Variants in THNSL2 observed in about 807,000 individuals in gnomAD.
THNSL2 encodes the protein threonine synthase-like 2.
Under a neutral mutation model 40.0 loss-of-function variants are expected in THNSL2, and 34 were observed. That is an observed-to-expected ratio of 0.85 (90% CI 0.65 to 1.13). The LOEUF (loss-of-function observed/expected upper bound fraction) is 1.13, where lower values mean the gene tolerates loss of function less well. THNSL2 is among the 50% of genes most tolerant of loss of function. The pLI is 0.00. For missense variants in THNSL2, 537 were observed against 608.8 expected (o/e 0.88, Z 1.24); for synonymous variants, 241 against 247.5 (o/e 0.97, Z 0.25).
At position 88,178,841 on chromosome 2, in the gene THNSL2, T is replaced by G. The variant is rs1396786652; in HGVS notation, c.630T>G (p.Ala210=). 3 of 1,614,050 alleles carry G rather than the reference T, an allele frequency of 1.9e-6. No homozygotes were observed. Among genetic ancestry groups the G allele is most frequent in the African/African-American group, 1.3e-5 (1 of 74,900 alleles). ...TCAAGACTGTGTTTGCCGATGTGGC[T>G]TTTGTCAAGAAGCACAATCTGATGA... is the stretch of plus-strand genomic sequence containing the variant. ...EPIKTVFADV[A]FVKKHNLMSL... Residue 210 remains alanine, a synonymous_variant, in exon 5 of 9, where the codon GCT becomes GCG. Coordinates refer to ENST00000674334, the MANE Select transcript of THNSL2 (RefSeq NM_018271.5).
chr2:88,184,071 T>C (rs1377730342), intron 7 of THNSL2, among the ~76,000 whole-genome samples: 1 of 152,240 alleles, frequency 6.6e-6, no homozygotes, highest in Non-Finnish European at 1.5e-5. Flanking sequence ...GCAAGGTCAA[T>C]ATCCACCTTA....
chr2:88,179,393 C>T lies in THNSL2; in HGVS notation c.802+380C>T, dbSNP rs528594033. Among the ~76,000 whole-genome samples, 17 of 152,372 alleles carry T rather than the reference C, an allele frequency of 1.1e-4. 1 individual carries two copies. The East Asian group carries it at 2.7e-3, about 24-fold the overall frequency. On this transcript the variant is annotated intron_variant, in intron 5 of 8. Transcript: ENST00000674334. ...GCCAGCTACCCAATGTGAGGGCAAG[C>T]GGCTTGACTGGCACATTTGTTCCCA...
chr2:88,175,911 A>G (rs1426783282), intron 4 of THNSL2: 1 of 153,472 alleles, frequency 6.5e-6, no homozygotes, highest in African/African-American at 2.4e-5. Context: ...CAGCCTGGGC[A>G]ACATGGCGAA....
intron 1 of THNSL2, chr2:88,171,961 C>T (rs1158476898): frequency 6.6e-6 from 1 of 152,236 alleles, no homozygotes; most frequent in Admixed American, 6.5e-5. Context: ...GCACGGGGGC[C>T]CACAGATGTC....
intron 5 of THNSL2, among the ~76,000 whole-genome samples, chr2:88,181,133 T>TCTCTCTCTC (rs1677524710): frequency 2.1e-3 from 1 of 470 alleles, no homozygotes; most frequent in Non-Finnish European, 6.4e-3. Context: ...CTCTCTCTCC[T>TCTCTCTCTC]CTCTCTCTCC....
chr2:88,174,959 A>G, intron 3 of THNSL2, 126 bp downstream of exon 3: 2 of 1,190,770 alleles, frequency 1.7e-6, no homozygotes, highest in Non-Finnish European at 2.4e-6. Flanking sequence ...AAGGTTCCTA[A>G]CATTTTCTGG....
In THNSL2 at chr2:88,170,414, T is replaced by TCGCGCCCCGCGCCC; in HGVS notation, c.-30_-17dup. 2,506 of 149,198 alleles carry TCGCGCCCCGCGCCC rather than the reference T, an allele frequency of 0.017. 41 individuals are homozygous for TCGCGCCCCGCGCCC. The highest frequency in any genetic ancestry group is 0.039 in the African/African-American group (1,569 of 40,102). The allele number at this position is 149,198 out of a possible 1,614,324, so 9.2% of individuals were successfully genotyped here. A position where few individuals can be genotyped will look rare whatever the true frequency, so the allele number is the denominator to read the frequency against. ...GGGCAGCCCTGCTGCGCACCGGGCC[T>TCGCGCCCCGCGCCC]CGCGCCCCGCGCCCCGCGCCCCGCG... On this transcript the variant is annotated 5_prime_UTR_variant, in exon 1 of 9. Coordinates refer to ENST00000674334, the MANE Select transcript of THNSL2 (RefSeq NM_018271.5).
At chr2:88,172,557 T>G (rs1676477986) in intron 1 of THNSL2, 1 of 152,152 alleles carries the variant, frequency 6.6e-6, no homozygotes, top group African/African-American at 2.4e-5. Flanking sequence ...CACGTTAGAC[T>G]CTCTTGAGGA....
At chr2:88,185,814 T>G in intron 8 of THNSL2, 84 bp from the exon 9 acceptor site, 10 of 1,540,448 alleles carry the variant, frequency 6.5e-6, no homozygotes, top group Non-Finnish European at 8.8e-6. Context: ...CTTCCTCTGT[T>G]TCTTATTCCT....
At chr2:88,171,158 A>G (rs1676328556) in intron 1 of THNSL2, 1 of 394,250 alleles carries the variant, frequency 2.5e-6, no homozygotes, top group South Asian at 1.8e-5. Context: ...CCTCAACTTC[A>G]CCACCTCCTG....
intron 4 of THNSL2, chr2:88,176,684 C>T (rs886783414): frequency 6.6e-6 from 1 of 152,246 alleles, no homozygotes; most frequent in African/African-American, 2.4e-5. Flanking sequence ...AGCATAAATA[C>T]CCTCTGTCAG....
chr2:88,174,878 T>G lies in THNSL2; in HGVS notation c.418+45T>G, dbSNP rs547164075. The stretch of plus-strand genomic sequence containing the variant: ...ACGCAGAATACCTGAGTGCTGTGAC[T>G]GTAGGGTGTCCACCTATAGGATGCT... On this transcript the variant is annotated intron_variant, in intron 3 of 8. Coordinates refer to ENST00000674334, the MANE Select transcript of THNSL2 (RefSeq NM_018271.5). 25 of 1,596,374 alleles carry G rather than the reference T, an allele frequency of 1.6e-5. No individual in the cohort carries two copies. The South Asian group carries it at 2.8e-4, about 18-fold the overall frequency.
At chr2:88,176,104 G>C (rs1676910056) in intron 4 of THNSL2, 1 of 152,116 alleles carries the variant, frequency 6.6e-6, no homozygotes, top group Admixed American at 6.5e-5. Flanking sequence ...CAAAAAAAAA[G>C]GAATGTGTCA....
At chr2:88,183,099 A>G (rs763229092) in intron 7 of THNSL2, 26 bp downstream of exon 7, 1 of 1,606,734 alleles carries the variant, frequency 6.2e-7, no homozygotes, top group Admixed American at 1.7e-5. Context: ...CACACCACAG[A>G]GAAAGGAAAG....
intron 5 of THNSL2, among the ~76,000 whole-genome samples, chr2:88,182,218 G>T (rs1453126163): frequency 6.6e-6 from 1 of 152,148 alleles, no homozygotes; most frequent in African/African-American, 2.4e-5. Flanking sequence ...GCACCATTTT[G>T]TCACCACCAG....
chr2:88,172,852 T>C (rs1458056056), intron 1 of THNSL2: 2 of 255,766 alleles, frequency 7.8e-6, no homozygotes, highest in Non-Finnish European at 1.5e-5. Flanking sequence ...TTCTTTCTCA[T>C]TGGTGAGGAC....
intron 5 of THNSL2, 70 bp from the exon 6 acceptor site, chr2:88,182,629 G>A (rs1677804779): frequency 1.4e-6 from 2 of 1,430,548 alleles, no homozygotes; most frequent in Admixed American, 2.5e-5. Flanking sequence ...TTTTGATGAA[G>A]CCCAATTTAC....
intron 4 of THNSL2, among the ~76,000 whole-genome samples, chr2:88,178,265 G>C (rs143496286): frequency 6.6e-6 from 1 of 152,308 alleles, no homozygotes; most frequent in Non-Finnish European, 1.5e-5. Context: ...TAGGAGCAGA[G>C]AGCAGAACAC....
intron 4 of THNSL2, 78 bp from the exon 5 acceptor site, chr2:88,178,705 C>A: frequency 6.7e-7 from 1 of 1,502,904 alleles, no homozygotes. Flanking sequence ...CCTGGGAGGG[C>A]CCTGTCGCAG....
Sources: allele counts gnomAD v4.1 joint callset (sites outside exome capture counted in the v4.1 genomes callset), GRCh38; gene constraint gnomAD v4.1.1; transcripts MANE v1.5; gene names NCBI Gene and HGNC (gene_info 2026-07-23, HGNC 2026-07-21).